DRC8: variants seen among roughly 807,000 people sequenced by gnomAD.
DRC8 encodes dynein regulatory complex protein 8.
the DRC8 span, chr1:245,017,201 A>T: frequency 4.1e-5 from 64 of 1,569,176 alleles, no homozygotes; most frequent in Admixed American, 2.7e-4. Flanking sequence ...TTGAATTCAA[A>T]GCTAAAGTAA....
At chr1:245,099,161 C>T in the DRC8 span, among the ~76,000 whole-genome samples, 1 of 152,100 alleles carries the variant, frequency 6.6e-6, no homozygotes, top group Non-Finnish European at 1.5e-5. Flanking sequence ...AACTGTTGAA[C>T]ACCAAAACTG....
the DRC8 span, among the ~76,000 whole-genome samples, chr1:245,073,745 A>G: frequency 2.6e-5 from 4 of 152,186 alleles, no homozygotes; most frequent in Admixed American, 2.6e-4. Context: ...ATGTGGATAT[A>G]GCATTGTATT....
At chr1:244,997,525 CT>C in the DRC8 span, among the ~76,000 whole-genome samples, 594 of 126,684 alleles carry the variant, frequency 4.7e-3, 2 homozygotes, top group South Asian at 9.9e-3. Flanking sequence ...TTCGTGCCAT[CT>C]TTTTTTTTTT....
At chr1:245,075,596 G>A in the DRC8 span, 3 of 152,164 alleles carry the variant, frequency 2.0e-5, no homozygotes, top group Non-Finnish European at 2.9e-5. Flanking sequence ...GGCGTATCAG[G>A]GCCTTGGTTT....
the DRC8 span, among the ~76,000 whole-genome samples, chr1:245,037,257 A>C: frequency 6.6e-6 from 1 of 152,258 alleles, no homozygotes; most frequent in Non-Finnish European, 1.5e-5. Context: ...ATTGTAGATA[A>C]AATGTTAGCA....
At chr1:245,079,590 A>G in the DRC8 span, among the ~76,000 whole-genome samples, 5 of 152,166 alleles carry the variant, frequency 3.3e-5, no homozygotes, top group African/African-American at 9.7e-5. Context: ...GGAATTATAG[A>G]GTTGAACTTC....
the DRC8 span, among the ~76,000 whole-genome samples, chr1:245,014,183 G>T: frequency 6.6e-6 from 1 of 152,172 alleles, no homozygotes. Context: ...AGGAAATGGA[G>T]CTGTTTTCAT....
At chr1:245,087,057 C>G in the DRC8 span, 1 of 811,488 alleles carries the variant, frequency 1.2e-6, no homozygotes, top group Non-Finnish European at 1.9e-6. Context: ...CCAGAATCTA[C>G]CAGGGTGTAC....
chr1:245,015,965 C>CTTTTTTTTTTTTTTT, the DRC8 span, among the ~76,000 whole-genome samples: 6 of 57,210 alleles, frequency 1.0e-4, no homozygotes, highest in Non-Finnish European at 1.9e-4. Flanking sequence ...GCCTACAGGG[C>CTTTTTTTTTTTTTTT]TTTTTTTTTT....
the DRC8 span, among the ~76,000 whole-genome samples, chr1:245,044,184 T>C: frequency 6.6e-6 from 1 of 152,238 alleles, no homozygotes; most frequent in Non-Finnish European, 1.5e-5. Context: ...GTATGTGTGG[T>C]GGATGTACCA....
At chr1:245,054,415 C>G in the DRC8 span, among the ~76,000 whole-genome samples, 7 of 152,280 alleles carry the variant, frequency 4.6e-5, no homozygotes, top group South Asian at 1.4e-3. Flanking sequence ...CCACCTTCAA[C>G]GGAGAGTGCC....
chr1:245,088,521 A>G, the DRC8 span, among the ~76,000 whole-genome samples: 1 of 152,200 alleles, frequency 6.6e-6, no homozygotes, highest in Non-Finnish European at 1.5e-5. This position sits in a 1 kb window ranked among gnomAD's most constrained non-coding sequence, Gnocchi z 4.6. Flanking sequence ...AAGGAGTACC[A>G]TGAGATGATG....
chr1:244,981,141 G>A, the DRC8 span, among the ~76,000 whole-genome samples: 1 of 152,064 alleles, frequency 6.6e-6, no homozygotes, highest in Admixed American at 6.6e-5. Context: ...CCGAGATCAC[G>A]CCATTGCACT....
chr1:244,989,662 C>A, the DRC8 span, among the ~76,000 whole-genome samples: 2 of 152,084 alleles, frequency 1.3e-5, no homozygotes, highest in African/African-American at 4.8e-5. Context: ...CTCCCCATTC[C>A]GTAGTCTTTG....
At chr1:245,002,692 T>TA in the DRC8 span, among the ~76,000 whole-genome samples, 112 of 151,504 alleles carry the variant, frequency 7.4e-4, 1 homozygote, top group African/African-American at 2.6e-3. Context: ...CTAATTTTTG[T>TA]GTTTTTTTGT....
At chr1:244,982,579 A>T in the DRC8 span, among the ~76,000 whole-genome samples, 6 of 151,932 alleles carry the variant, frequency 3.9e-5, no homozygotes, top group African/African-American at 1.4e-4. Context: ...CAGGAGAATC[A>T]CTCGGACCCT....
chr1:245,052,587 G>T, the DRC8 span, among the ~76,000 whole-genome samples: 241 of 152,362 alleles, frequency 1.6e-3, no homozygotes, highest in African/African-American at 5.2e-3. Context: ...GCCTTGTGTT[G>T]ACTGCGCACA....
chr1:244,978,750 A>G, the DRC8 span, among the ~76,000 whole-genome samples: 2 of 152,182 alleles, frequency 1.3e-5, no homozygotes, highest in African/African-American at 2.4e-5. Context: ...TTGGCCTCCC[A>G]AAGTGCTGGG....
the DRC8 span, among the ~76,000 whole-genome samples, chr1:245,074,469 G>T: frequency 6.6e-6 from 1 of 152,116 alleles, no homozygotes. Context: ...CACCCTCAGA[G>T]GATTAAAACA....
Sources: allele counts gnomAD v4.1 joint callset (sites outside exome capture counted in the v4.1 genomes callset), GRCh38; gene constraint gnomAD v4.1.1; non-coding constraint Gnocchi (gnomAD v3.1); transcripts MANE v1.5; gene names NCBI Gene and HGNC (gene_info 2026-07-23, HGNC 2026-07-21).